Variants in COL19A1 observed in about 807,000 individuals in gnomAD.
COL19A1 encodes collagen type XIX alpha 1 chain.
COL19A1 carries 159 observed loss-of-function variants against 190.2 expected under a neutral mutation model. The ratio of observed to expected loss-of-function variants is 0.84; its 90% CI spans 0.73 to 0.95. COL19A1 has a LOEUF of 0.95. COL19A1 is among the 40% of genes least tolerant of loss of function. The pLI, the probability that COL19A1 is intolerant of heterozygous loss-of-function variation, is 0.00. For synonymous variants in COL19A1, 509 were observed against 458.9 expected (o/e 1.11, Z -1.39); for missense variants, 1,418 against 1,431.9 (o/e 0.99, Z 0.16).
At chr6:70,038,350 C>T (rs1454566461) in intron 14 of COL19A1, among the ~76,000 whole-genome samples, 1 of 152,152 alleles carries the variant, frequency 6.6e-6, no homozygotes, top group Non-Finnish European at 1.5e-5. Context: ...AAAAGCTCCC[C>T]GAGTGGATCT....
intron 3 of COL19A1, 145 bp downstream of exon 3, chr6:69,899,167 T>A (rs565210286): frequency 4.6e-4 from 145 of 313,614 alleles, no homozygotes; most frequent in African/African-American, 3.1e-3. Context: ...TCTTTTTAAT[T>A]TTTTTTTTTT....
chr6:70,133,016 C>G (rs913775650), intron 18 of COL19A1, among the ~76,000 whole-genome samples: 1 of 152,178 alleles, frequency 6.6e-6, no homozygotes. Flanking sequence ...CTTTTCTATT[C>G]ACCCATCTCA....
At chr6:69,998,814 A>G (rs896948112) in intron 11 of COL19A1, among the ~76,000 whole-genome samples, 2 of 152,138 alleles carry the variant, frequency 1.3e-5, no homozygotes, top group Non-Finnish European at 2.9e-5. Context: ...ATTCATCACT[A>G]TTCTACAATA....
chr6:70,210,081 A>T lies in COL19A1; in HGVS notation c.*2807A>T, dbSNP rs1395976483. 1 of 152,192 alleles carries T rather than the reference A, an allele frequency of 6.6e-6. No homozygotes were observed. The highest frequency in any genetic ancestry group is 2.4e-5 in the African/African-American group (1 of 41,462). 9.4% of individuals were successfully genotyped at this position (152,192 alleles called of 1,614,324 possible). Reference sequence around the variant, plus strand: ...TCAAAGCAGGGGAGAAGAATTATTCAATTTCATGAATAACTCTTGTTTGCA... The same window carrying T: ...TCAAAGCAGGGGAGAAGAATTATTCTATTTCATGAATAACTCTTGTTTGCA... On this transcript the variant is annotated 3_prime_UTR_variant, in exon 51 of 51. Coordinates refer to ENST00000620364, the MANE Select transcript of COL19A1 (RefSeq NM_001858.6).
intron 34 of COL19A1, among the ~76,000 whole-genome samples, chr6:70,158,429 G>A (rs994903550): frequency 5.9e-5 from 9 of 151,952 alleles, no homozygotes; most frequent in African/African-American, 2.2e-4. Context: ...AGATACAGAG[G>A]GACACCCCAT....
At chr6:69,925,234 C>A (rs1289856388) in intron 4 of COL19A1, among the ~76,000 whole-genome samples, 2 of 152,126 alleles carry the variant, frequency 1.3e-5, no homozygotes, top group South Asian at 2.1e-4. Flanking sequence ...ACATTTAAGT[C>A]TTTAATCCAT....
rs562405653 is a variant in COL19A1, at chr6:70,072,849, A to T, written c.1224+4373A>T. 3.9e-5 allele frequency among the ~76,000 whole-genome samples: 6 copies of T among 152,234 alleles called. No homozygotes were observed. The South Asian group carries it at 1.2e-3, about 32-fold the overall frequency. ...TCCTCCATGAGCTGGGAGCCTACAAAAGTACAGGAGGGCAGGGCAAGCAAC... is the reference window on the plus strand; with the variant it reads ...TCCTCCATGAGCTGGGAGCCTACAATAGTACAGGAGGGCAGGGCAAGCAAC... On this transcript the variant is annotated intron_variant, in intron 15 of 50. Coordinates refer to ENST00000620364, the MANE Select transcript of COL19A1 (RefSeq NM_001858.6).
At chr6:70,128,536 C>CATTAGAGG (rs1313065445) in intron 17 of COL19A1, among the ~76,000 whole-genome samples, 1 of 152,178 alleles carries the variant, frequency 6.6e-6, no homozygotes, top group Non-Finnish European at 1.5e-5. Flanking sequence ...TTATTATTAA[C>CATTAGAGG]ATTAGAGGGC....
At chr6:70,155,078 C>G (rs1045466331) in intron 31 of COL19A1, among the ~76,000 whole-genome samples, 7 of 152,112 alleles carry the variant, frequency 4.6e-5, no homozygotes, top group Non-Finnish European at 1.0e-4. Flanking sequence ...ACCATCACAC[C>G]TTGTAAGCTT....
chr6:69,934,332 A>G (rs1772967544), intron 7 of COL19A1, among the ~76,000 whole-genome samples: 1 of 151,988 alleles, frequency 6.6e-6, no homozygotes, highest in Non-Finnish European at 1.5e-5. Context: ...GGAGCTACAC[A>G]TTTAAATCTT....
In COL19A1 at chr6:70,180,473, C is replaced by G. The variant is rs893420399; in HGVS notation, c.2725C>G (p.Pro909Ala). 1 of 1,614,012 alleles carries G rather than the reference C, an allele frequency of 6.2e-7. No homozygotes were observed. Among genetic ancestry groups the G allele is most frequent in the East Asian group, 2.2e-5 (1 of 44,860 alleles). The change falls in exon 44 of 51, where the codon CCT (proline) becomes GCT (alanine). Residue 909 changes from proline (P) to alanine (A), a missense_variant. Physicochemically the swap from Pro to Ala is conservative, Grantham distance 27 (BLOSUM62 -1). Transcript: ENST00000620364. ...GVPGEPGERGPVGDIGFPGPE... is the reference protein window; with the variant it reads ...GVPGEPGERGAVGDIGFPGPE... Reference sequence around the variant, plus strand: ...GATGTGTTTATAGGGTGAGAGAGGACCTGTTGGAGATATAGGTTTCCCTGG... The same window carrying G: ...GATGTGTTTATAGGGTGAGAGAGGAGCTGTTGGAGATATAGGTTTCCCTGG...
At chr6:70,101,113 C>G (rs1373794515) in intron 15 of COL19A1, among the ~76,000 whole-genome samples, 1 of 151,990 alleles carries the variant, frequency 6.6e-6, no homozygotes, top group East Asian at 1.9e-4. Flanking sequence ...TAATTCTCCC[C>G]CAAAAAAGCA....
At chr6:69,893,820 T>C (rs964592154) in intron 2 of COL19A1, among the ~76,000 whole-genome samples, 9 of 152,224 alleles carry the variant, frequency 5.9e-5, no homozygotes, top group African/African-American at 2.2e-4. Flanking sequence ...GAGAGATTCC[T>C]CTGCACAATA....
rs548139333 is a variant in COL19A1, at chr6:69,990,924, A to G, written c.1026+28054A>G. 5.3e-4 allele frequency among the ~76,000 whole-genome samples: 81 copies of G among 152,074 alleles called. 1 individual carries two copies. Among genetic ancestry groups the G allele is most frequent in the African/African-American group, 1.9e-3 (80 of 41,518 alleles). Reference sequence around the variant, plus strand: ...CTTCTATTTTAGGTTTGGGGGGTACATGGCAGGTTTGTTACATGAGTAAAT... The same window carrying G: ...CTTCTATTTTAGGTTTGGGGGGTACGTGGCAGGTTTGTTACATGAGTAAAT... On this transcript the variant is annotated intron_variant, in intron 11 of 50. Coordinates refer to ENST00000620364, the MANE Select transcript of COL19A1 (RefSeq NM_001858.6).
intron 15 of COL19A1, among the ~76,000 whole-genome samples, chr6:70,074,739 G>A (rs1344866739): frequency 2.7e-5 from 4 of 146,114 alleles, no homozygotes; most frequent in Non-Finnish European, 5.9e-5. Context: ...AAGTAATTTT[G>A]TTAGTTTCAC....
intron 46 of COL19A1, among the ~76,000 whole-genome samples, chr6:70,186,090 C>G (rs1562254426): frequency 6.6e-6 from 1 of 151,974 alleles, no homozygotes; most frequent in East Asian, 1.9e-4. Flanking sequence ...ATATATTGAT[C>G]TTTTCTTGTC....
intron 14 of COL19A1, among the ~76,000 whole-genome samples, chr6:70,043,603 G>A (rs1323442858): frequency 1.3e-5 from 2 of 152,196 alleles, no homozygotes; most frequent in Non-Finnish European, 2.9e-5. Context: ...TCGTCTCCTT[G>A]TACATCACCA....
rs991917290 is a variant in COL19A1 at position 70,211,912 on chromosome 6, GA to G, written c.*4646del. Among the ~76,000 whole-genome samples, 2 of 151,656 alleles carry G rather than the reference GA, an allele frequency of 1.3e-5. No individual in the cohort carries two copies. The highest frequency in any genetic ancestry group is 2.4e-5 in the African/African-American group (1 of 41,274). ...AGCTAAGTCTAAGAAAATCTAAATG[GA>G]AAAAAAATTGCGTGTTCAGATCCAA... On this transcript the variant is annotated 3_prime_UTR_variant, in exon 51 of 51. Coordinates refer to ENST00000620364, the MANE Select transcript of COL19A1 (RefSeq NM_001858.6).
chr6:70,125,607 A>T (rs981441868), intron 17 of COL19A1, among the ~76,000 whole-genome samples: 5 of 151,672 alleles, frequency 3.3e-5, no homozygotes, highest in African/African-American at 1.2e-4. Context: ...AATGAGGAAG[A>T]AAAAAAAAGC....
Sources: allele counts gnomAD v4.1 joint callset (sites outside exome capture counted in the v4.1 genomes callset), GRCh38; gene constraint gnomAD v4.1.1; transcripts MANE v1.5; gene names NCBI Gene and HGNC (gene_info 2026-07-23, HGNC 2026-07-21).